The following TENM3 variants were observed in gnomAD, a reference collection of about 807,000 sequenced individuals.
TENM3 encodes teneurin-3.
In TENM3, 63 loss-of-function variants were observed where a neutral mutation model predicts 255.1. That is an observed-to-expected ratio of 0.25 (90% CI 0.20 to 0.30). TENM3 has a LOEUF of 0.30. TENM3 is among the 10% of genes least tolerant of loss of function. The probability of loss-of-function intolerance (pLI) is 1.00; values close to 1 mark genes in which losing one functional copy is unlikely to be tolerated. For synonymous variants in TENM3, 1,306 were observed against 1,322.3 expected, an observed-to-expected ratio of 0.99 and a Z score of 0.27; for missense variants, 2,929 against 3,461.1, an observed-to-expected ratio of 0.85 and a Z score of 3.86.
chr4:182,675,056 A>G (rs1312405952), intron 7 of TENM3, among the ~76,000 whole-genome samples: 3 of 151,080 alleles, frequency 2.0e-5, no homozygotes, highest in Non-Finnish European at 4.4e-5. Flanking sequence ...TTGTATTTTT[A>G]GTAGACATAG....
chr4:181,841,916 G>A, the TENM3 span, among the ~76,000 whole-genome samples: 8 of 152,076 alleles, frequency 5.3e-5, no homozygotes, highest in South Asian at 6.2e-4. Flanking sequence ...TGTTGAAACC[G>A]ATAAACTCAA....
the TENM3 span, among the ~76,000 whole-genome samples, chr4:182,044,689 T>A: frequency 6.9e-6 from 1 of 144,888 alleles, no homozygotes; most frequent in Non-Finnish European, 1.5e-5. Context: ...AAGGCTATCA[T>A]TTTTTTGTCA....
At chr4:181,982,449 C>A in the TENM3 span, among the ~76,000 whole-genome samples, 7 of 152,184 alleles carry the variant, frequency 4.6e-5, no homozygotes, top group Admixed American at 3.9e-4. Context: ...TTAAAGAATA[C>A]CTCCTTTCAC....
At chr4:181,714,169 C>T in the TENM3 span, among the ~76,000 whole-genome samples, 1 of 152,158 alleles carries the variant, frequency 6.6e-6, no homozygotes, top group African/African-American at 2.4e-5. Context: ...GGTGCGGTGG[C>T]TCATGCCTAT....
the TENM3 span, among the ~76,000 whole-genome samples, chr4:181,927,947 C>T: frequency 6.6e-6 from 1 of 152,072 alleles, no homozygotes; most frequent in Admixed American, 6.6e-5. Flanking sequence ...CTGATTGTTA[C>T]AAGGAAAACT....
At chr4:182,266,873 T>C (rs560060481) in intron 1 of TENM3, among the ~76,000 whole-genome samples, 96 of 152,214 alleles carry the variant, frequency 6.3e-4, no homozygotes, top group Non-Finnish European at 1.1e-3. Context: ...TCCTTATCAA[T>C]TGTGGCTTTA....
chr4:182,229,510 A>C (rs561773045), intron 1 of TENM3, among the ~76,000 whole-genome samples: 2 of 152,118 alleles, frequency 1.3e-5, no homozygotes, highest in Non-Finnish European at 2.9e-5. Flanking sequence ...CTCACTTGCT[A>C]TGCATTTTAA....
chr4:182,794,957 T>G (rs1048245693), intron 26 of TENM3, among the ~76,000 whole-genome samples: 5 of 151,538 alleles, frequency 3.3e-5, no homozygotes, highest in African/African-American at 9.8e-5. Context: ...TCTTTTTTTT[T>G]TGGGCTTGAT....
the TENM3 span, among the ~76,000 whole-genome samples, chr4:181,841,364 A>G: frequency 1.2e-4 from 19 of 152,212 alleles, no homozygotes; most frequent in African/African-American, 3.4e-4. Context: ...ATTGCATCAG[A>G]GCATCTTGGA....
At chr4:181,613,643 T>TA in the TENM3 span, among the ~76,000 whole-genome samples, 440 of 152,248 alleles carry the variant, frequency 2.9e-3, 2 homozygotes, top group African/African-American at 9.5e-3. Flanking sequence ...GGGAAAATGA[T>TA]AAAAAATAAC....
intron 3 of TENM3, among the ~76,000 whole-genome samples, chr4:182,351,292 A>G (rs545246135): frequency 1.3e-5 from 2 of 152,318 alleles, no homozygotes; most frequent in Admixed American, 6.5e-5. Flanking sequence ...TAATAAAGTT[A>G]GTTTTGTGAT....
chr4:182,013,993 T>TATACGTATATAC, the TENM3 span, among the ~76,000 whole-genome samples: 96 of 97,090 alleles, frequency 9.9e-4, 5 homozygotes, highest in Admixed American at 1.4e-3. Flanking sequence ...TATACGTATA[T>TATACGTATATAC]ACACATATAT....
intron 6 of TENM3, among the ~76,000 whole-genome samples, chr4:182,663,665 T>TG: frequency 6.6e-6 from 1 of 152,314 alleles, no homozygotes; most frequent in East Asian, 1.9e-4. Flanking sequence ...AAAGAAATCT[T>TG]GCTACAAAAT....
chr4:182,417,216 T>C (rs777271988), intron 3 of TENM3, among the ~76,000 whole-genome samples: 8 of 152,116 alleles, frequency 5.3e-5, no homozygotes, highest in Non-Finnish European at 1.0e-4. Context: ...GACCTCGTGA[T>C]CCGCTCGTCT....
At chr4:181,722,734 A>G in the TENM3 span, among the ~76,000 whole-genome samples, 3 of 152,184 alleles carry the variant, frequency 2.0e-5, no homozygotes, top group Non-Finnish European at 2.9e-5. Flanking sequence ...TGTGGATACA[A>G]TCTGTCTCCT....
At chr4:182,060,223 T>C in the TENM3 span, among the ~76,000 whole-genome samples, 1 of 152,022 alleles carries the variant, frequency 6.6e-6, no homozygotes, top group African/African-American at 2.4e-5. Context: ...GGTAACAGAG[T>C]GAGACTCTGT....
At chr4:182,660,356 A>G (rs1274981037) in intron 6 of TENM3, among the ~76,000 whole-genome samples, 1 of 152,238 alleles carries the variant, frequency 6.6e-6, no homozygotes, top group Non-Finnish European at 1.5e-5. Context: ...CTAGTATAGA[A>G]TAGTGGCTAA....
intron 3 of TENM3, among the ~76,000 whole-genome samples, chr4:182,588,113 G>A (rs990473234): frequency 6.6e-6 from 1 of 151,986 alleles, no homozygotes; most frequent in African/African-American, 2.4e-5. Context: ...TATATTTTAA[G>A]ATTTTATAAT....
At chr4:182,358,611 A>C (rs368189945) in intron 3 of TENM3, among the ~76,000 whole-genome samples, 3,673 of 151,604 alleles carry the variant, frequency 0.024, 100 homozygotes, top group African/African-American at 0.059. Flanking sequence ...GCTTAAGGAG[A>C]TTTTGGGCTG....
Sources: allele counts gnomAD v4.1 joint callset (sites outside exome capture counted in the v4.1 genomes callset), GRCh38; gene constraint gnomAD v4.1.1; transcripts MANE v1.5; gene names NCBI Gene and HGNC (gene_info 2026-07-23, HGNC 2026-07-21).